ARHGAP26: variants seen among roughly 807,000 people sequenced by gnomAD.
The protein encoded by ARHGAP26 is rho GTPase-activating protein 26.
In ARHGAP26, 38 loss-of-function variants were observed where a neutral mutation model predicts 104.8. That is an observed-to-expected ratio of 0.36 (90% CI 0.28 to 0.48). The LOEUF is 0.48. Among genes scored for constraint, ARHGAP26 ranks in the 20% least tolerant of loss-of-function variants. The pLI, the probability that ARHGAP26 is intolerant of heterozygous loss-of-function variation, is 0.99. For missense variants in ARHGAP26, 704 were observed against 947.9 expected, an observed-to-expected ratio of 0.74 and a Z score of 3.38; for synonymous variants, 341 against 340.0, an observed-to-expected ratio of 1.00 and a Z score of -0.03.
At chr5:143,127,815 C>G (rs547615818) in intron 18 of ARHGAP26, among the ~76,000 whole-genome samples, 1 of 152,076 alleles carries the variant, frequency 6.6e-6, no homozygotes, top group Non-Finnish European at 1.5e-5. Flanking sequence ...GTTTAGAAGT[C>G]GCATTTTATT....
intron 7 of ARHGAP26, among the ~76,000 whole-genome samples, chr5:142,903,080 G>C (rs1391240483): frequency 6.6e-6 from 1 of 152,112 alleles, no homozygotes; most frequent in Non-Finnish European, 1.5e-5. Context: ...CTAGTCATTG[G>C]GTGCAGGCTG....
At chr5:142,965,939 T>G (rs37202) in intron 11 of ARHGAP26, among the ~76,000 whole-genome samples, 12,354 of 152,242 alleles carry the variant, frequency 0.081, 787 homozygotes, top group East Asian at 0.28. Flanking sequence ...CCTGTAAAAA[T>G]TTTTAGTTTA....
intron 11 of ARHGAP26, among the ~76,000 whole-genome samples, chr5:142,980,058 G>A (rs1372454702): frequency 1.3e-5 from 2 of 152,122 alleles, no homozygotes; most frequent in African/African-American, 4.8e-5. Flanking sequence ...TACCTTCCTC[G>A]CTCCCCTTCT....
At chr5:143,180,337 G>A (rs1804140302) in intron 20 of ARHGAP26, among the ~76,000 whole-genome samples, 1 of 152,090 alleles carries the variant, frequency 6.6e-6, no homozygotes, top group Non-Finnish European at 1.5e-5. Context: ...TGTTGGCCAG[G>A]ATGGTCTCGA....
intron 17 of ARHGAP26, among the ~76,000 whole-genome samples, chr5:143,065,201 C>T (rs2150344656): frequency 6.6e-6 from 1 of 152,204 alleles, no homozygotes; most frequent in East Asian, 1.9e-4. Context: ...CCTAGCAGAG[C>T]TTAGATTTCT....
At chr5:143,134,147 ATCCC>A in intron 19 of ARHGAP26, 42 bp downstream of exon 19, 2 of 1,575,976 alleles carry the variant, frequency 1.3e-6, no homozygotes, top group Admixed American at 1.8e-5. Context: ...ATTCAGGGAC[ATCCC>A]ATGCTACCTG....
intron 20 of ARHGAP26, among the ~76,000 whole-genome samples, chr5:143,151,871 G>T (rs1399721056): frequency 6.6e-6 from 1 of 152,152 alleles, no homozygotes; most frequent in Non-Finnish European, 1.5e-5. Context: ...CAGGAGAATG[G>T]GTTGAACCTG....
intron 8 of ARHGAP26, 96 bp from the exon 9 acceptor site, chr5:142,907,608 T>A (rs1761277250): frequency 3.0e-6 from 2 of 658,664 alleles, no homozygotes; most frequent in Non-Finnish European, 5.2e-6. Context: ...GTAGGGTAGA[T>A]GAGCATTATG....
chr5:142,939,837 TA>T (rs1216174697), intron 11 of ARHGAP26, among the ~76,000 whole-genome samples: 1 of 152,244 alleles, frequency 6.6e-6, no homozygotes, highest in East Asian at 1.9e-4. Flanking sequence ...AACCTATATG[TA>T]AATGCCTGTA....
intron 1 of ARHGAP26, among the ~76,000 whole-genome samples, chr5:142,829,994 G>T (rs778991110): frequency 6.6e-6 from 1 of 152,132 alleles, no homozygotes; most frequent in African/African-American, 2.4e-5. Context: ...GGATGTTTTC[G>T]ACCTGATGAG....
intron 17 of ARHGAP26, among the ~76,000 whole-genome samples, chr5:143,100,436 A>G (rs1793052711): frequency 6.6e-6 from 1 of 152,248 alleles, no homozygotes; most frequent in Non-Finnish European, 1.5e-5. Flanking sequence ...AATCCTGGTA[A>G]CACTAGCAAG....
intron 20 of ARHGAP26, among the ~76,000 whole-genome samples, chr5:143,175,970 C>T (rs1033560792): frequency 2.6e-5 from 4 of 151,956 alleles, no homozygotes; most frequent in South Asian, 2.1e-4. Context: ...AAAAATTAGC[C>T]GGGCGTGGTG....
At chr5:143,210,951 T>C (rs554082671) in intron 21 of ARHGAP26, among the ~76,000 whole-genome samples, 5 of 152,328 alleles carry the variant, frequency 3.3e-5, no homozygotes, top group South Asian at 4.1e-4. Flanking sequence ...TTTTGAGATA[T>C]ACTGTGGAGA....
intron 10 of ARHGAP26, 104 bp downstream of exon 10, chr5:142,913,397 C>A (rs1762085855): frequency 5.2e-6 from 5 of 962,692 alleles, no homozygotes; most frequent in East Asian, 5.1e-5. Context: ...CCTTCTCCCC[C>A]TCCCTCCTTC....
At chr5:142,801,132 CT>C in intron 1 of ARHGAP26, among the ~76,000 whole-genome samples, 1 of 152,252 alleles carries the variant, frequency 6.6e-6, no homozygotes, top group East Asian at 1.9e-4. Flanking sequence ...GGTCTGATTG[CT>C]TTTTCTTTCT....
intron 1 of ARHGAP26, among the ~76,000 whole-genome samples, chr5:142,821,923 A>G (rs995650430): frequency 6.6e-6 from 1 of 152,194 alleles, no homozygotes; most frequent in African/African-American, 2.4e-5. Context: ...TCCTACATAG[A>G]TTAATTGACA....
At chr5:143,001,741 C>T (rs749066366) in intron 11 of ARHGAP26, among the ~76,000 whole-genome samples, 10 of 152,218 alleles carry the variant, frequency 6.6e-5, no homozygotes, top group Non-Finnish European at 1.5e-4. Context: ...CCTCATTCTG[C>T]TCCTTGGGAG....
At chr5:143,167,563 C>T (rs1448789169) in intron 20 of ARHGAP26, among the ~76,000 whole-genome samples, 2 of 136,020 alleles carry the variant, frequency 1.5e-5, no homozygotes, top group Non-Finnish European at 3.1e-5. Flanking sequence ...CAAATGATTA[C>T]ATTTCATTTG....
chr5:143,151,408 A>G (rs911426232), intron 20 of ARHGAP26, among the ~76,000 whole-genome samples: 4 of 152,320 alleles, frequency 2.6e-5, no homozygotes, highest in Middle Eastern at 3.4e-3. Flanking sequence ...CAATCCAGCA[A>G]TCATGTTCTT....
Sources: gnomAD v4.1 joint callset for allele counts (sites outside exome capture counted in the v4.1 genomes callset) on GRCh38, gnomAD v4.1.1 for gene constraint, MANE v1.5 for transcripts, NCBI Gene and HGNC (gene_info 2026-07-23, HGNC 2026-07-21) for gene names.